Variants in CDH11 observed in about 807,000 individuals in gnomAD.
The protein encoded by CDH11 is cadherin 11.
Under a neutral mutation model 67.8 loss-of-function variants are expected in CDH11, and 11 were observed. The observed-to-expected ratio is 0.16, with a 90% CI of 0.10 to 0.27. The LOEUF (loss-of-function observed/expected upper bound fraction) is 0.27, where lower values mean the gene tolerates loss of function less well. Among genes scored for constraint, CDH11 ranks in the 10% least tolerant of loss-of-function variants. The pLI is 1.00. For synonymous variants in CDH11, 419 were observed against 400.0 expected, an observed-to-expected ratio of 1.05 and a Z score of -0.57; for missense variants, 847 against 1,031.2, an observed-to-expected ratio of 0.82 and a Z score of 2.45.
At chr16:64,977,980 T>A (rs1448199593) in intron 8 of CDH11, among the ~76,000 whole-genome samples, 7 of 152,238 alleles carry the variant, frequency 4.6e-5, no homozygotes, top group Non-Finnish European at 1.0e-4. Flanking sequence ...TTCCTGCCAC[T>A]ATTTTCTTTG....
chr16:65,037,690 C>T (rs907775933), intron 2 of CDH11, among the ~76,000 whole-genome samples: 66 of 152,192 alleles, frequency 4.3e-4, no homozygotes, highest in African/African-American at 1.4e-3. Context: ...TGGGACCGTC[C>T]GCATCCCAGC....
chr16:65,076,935 G>C (rs552615519), intron 1 of CDH11, among the ~76,000 whole-genome samples: 1 of 151,876 alleles, frequency 6.6e-6, no homozygotes, highest in Non-Finnish European at 1.5e-5. Context: ...TTTCTAATCC[G>C]AGACACCGAA....
At chr16:65,042,293 G>T (rs2073880574) in intron 2 of CDH11, among the ~76,000 whole-genome samples, 1 of 152,152 alleles carries the variant, frequency 6.6e-6, no homozygotes, top group South Asian at 2.1e-4. Context: ...TGCTAATTGT[G>T]ATTGCTGCTG....
At chr16:64,966,129 T>C (rs1323290991) in intron 11 of CDH11, among the ~76,000 whole-genome samples, 1 of 152,032 alleles carries the variant, frequency 6.6e-6, no homozygotes, top group Admixed American at 6.6e-5. Context: ...AAAAATTACT[T>C]TATAATATCT....
chr16:65,071,950 TC>T (rs2074424591), intron 1 of CDH11: 1 of 152,174 alleles, frequency 6.6e-6, no homozygotes, highest in South Asian at 2.1e-4. Context: ...GCGCCACCGT[TC>T]CCGTCCCTCG....
chr16:65,122,764 T>C (rs745641979), upstream of CDH11, among the ~76,000 whole-genome samples: 3 of 152,010 alleles, frequency 2.0e-5, no homozygotes, highest in African/African-American at 4.8e-5. Context: ...TCAGCTCTCC[T>C]CTCGTCTAGT....
In CDH11 at chr16:64,945,814, A is replaced by C. The variant is rs550248577; in HGVS notation, c.*1789T>G. ...ATAGTACATAACATGATATCAAGAA[A>C]TGCTTGAAACAAACTTTCACAATAA... On this transcript the variant is annotated 3_prime_UTR_variant, in exon 13 of 13. Transcript: ENST00000268603. 4 of 1,049,480 alleles carry C rather than the reference A, an allele frequency of 3.8e-6. 1 individual carries two copies. Among genetic ancestry groups the C allele is most frequent in the South Asian group, 9.2e-5 (2 of 21,838 alleles). 65.0% of individuals were successfully genotyped at this position (1,049,480 alleles called of 1,614,324 possible).
At chr16:64,990,316 C>T (rs1472939281) in intron 6 of CDH11, among the ~76,000 whole-genome samples, 3 of 152,112 alleles carry the variant, frequency 2.0e-5, no homozygotes, top group Admixed American at 6.5e-5. Flanking sequence ...AACTTGTGCC[C>T]GGCCAGGCAA....
At chr16:65,059,080 A>C (rs2074194925) in intron 1 of CDH11, among the ~76,000 whole-genome samples, 1 of 152,218 alleles carries the variant, frequency 6.6e-6, no homozygotes, top group South Asian at 2.1e-4. Context: ...ATAATAATCT[A>C]TAAGCATTTT....
chr16:65,017,716 A>G (rs1378605383), intron 2 of CDH11, among the ~76,000 whole-genome samples: 6 of 152,170 alleles, frequency 3.9e-5, no homozygotes, highest in Non-Finnish European at 2.9e-5. Context: ...GCCCAGAATT[A>G]GAATACTCAA....
intron 1 of CDH11, among the ~76,000 whole-genome samples, chr16:65,073,855 C>T (rs2142775605): frequency 6.6e-6 from 1 of 152,220 alleles, no homozygotes. Flanking sequence ...GTGAGGCCAC[C>T]ACTGGTCCAC....
Position 65,012,707 on chromosome 16 carries a change from C to T in CDH11, c.-172-7666G>A, listed in dbSNP as rs548889071. On this transcript the variant is annotated intron_variant, in intron 2 of 12. Transcript: ENST00000268603. ...AATTTCTGTGAGATCACTTGCAATG[C>T]TCTTGAATGACAGCAAGCTTCCTGT... 1.4e-4 allele frequency among the ~76,000 whole-genome samples: 22 copies of T among 152,298 alleles called. 1 individual carries two copies. The South Asian group carries it at 4.1e-3, about 29-fold the overall frequency.
intron 1 of CDH11, among the ~76,000 whole-genome samples, chr16:65,063,858 G>T (rs1204135112): frequency 6.6e-5 from 10 of 152,218 alleles, no homozygotes; most frequent in Admixed American, 2.0e-4. Flanking sequence ...TGAAATGACA[G>T]AACTTTGTAA....
intron 1 of CDH11, among the ~76,000 whole-genome samples, chr16:65,082,777 A>G (rs2074632162): frequency 6.6e-6 from 1 of 152,156 alleles, no homozygotes; most frequent in Admixed American, 6.5e-5. Flanking sequence ...TTAGGAAAAG[A>G]TATTTAACTT....
At chr16:65,035,639 G>A (rs2142641272) in intron 2 of CDH11, among the ~76,000 whole-genome samples, 2 of 152,296 alleles carry the variant, frequency 1.3e-5, no homozygotes, top group South Asian at 4.1e-4. Context: ...TGGAATACCT[G>A]GAGTAGAGCA....
In CDH11 at chr16:65,004,953, C is replaced by T. The variant is rs747354731; in HGVS notation, c.-84G>A. The T allele has an allele frequency of 3.2e-5, 46 of 1,438,722 alleles. No individual in the cohort carries two copies. Among genetic ancestry groups the T allele is most frequent in the Non-Finnish European group, 3.8e-5 (42 of 1,091,564 alleles). 89.1% of individuals were successfully genotyped at this position (1,438,722 alleles called of 1,614,324 possible). A position where few individuals can be genotyped will look rare whatever the true frequency, so the allele number is the denominator to read the frequency against. On this transcript the variant is annotated 5_prime_UTR_variant, in exon 3 of 13. Transcript: ENST00000268603. ...GGTGGTCTTGCTGAGGGTGGCCTCC[C>T]GGACGCGTCACGCAGACCTCTCTTG...
intron 1 of CDH11, among the ~76,000 whole-genome samples, chr16:65,115,353 T>C (rs1015401412): frequency 1.3e-5 from 2 of 152,152 alleles, no homozygotes; most frequent in African/African-American, 4.8e-5. Context: ...AAACAATTCA[T>C]TGCTAATTGG....
Position 64,946,185 on chromosome 16 carries a change from A to C in CDH11, c.*1418T>G. On this transcript the variant is annotated 3_prime_UTR_variant, in exon 13 of 13. Transcript: ENST00000268603. Reference sequence around the variant, plus strand: ...AATCGCCCATTCTCATTAAAACATAAAATGCCACATCATTTTACAATTAGT... The same window carrying C: ...AATCGCCCATTCTCATTAAAACATACAATGCCACATCATTTTACAATTAGT... 1 of 1,052,774 alleles carries C rather than the reference A, an allele frequency of 9.5e-7. No homozygotes were observed. Among genetic ancestry groups the C allele is most frequent in the Non-Finnish European group, 1.1e-6 (1 of 871,444 alleles). The allele number at this position is 1,052,774 out of a possible 1,614,324, so 65.2% of individuals were successfully genotyped here. A position where few individuals can be genotyped will look rare whatever the true frequency, so the allele number is the denominator to read the frequency against.
chr16:65,098,573 C>T (rs1336907571), intron 1 of CDH11, among the ~76,000 whole-genome samples: 1 of 151,558 alleles, frequency 6.6e-6, no homozygotes, highest in Non-Finnish European at 1.5e-5. Context: ...ACTATGTTGC[C>T]CAAGCTGATC....
Sources: gnomAD v4.1 joint callset for allele counts (sites outside exome capture counted in the v4.1 genomes callset) on GRCh38, gnomAD v4.1.1 for gene constraint, MANE v1.5 for transcripts, NCBI Gene and HGNC (gene_info 2026-07-23, HGNC 2026-07-21) for gene names.